The following SMO variants were observed in gnomAD, a reference collection of about 807,000 sequenced individuals.
SMO encodes the protein smoothened, frizzled class receptor.
Under a neutral mutation model 81.6 loss-of-function variants are expected in SMO, and 40 were observed. That is an observed-to-expected ratio of 0.49 (90% CI 0.38 to 0.64). SMO has a LOEUF of 0.64. Among genes scored for constraint, SMO ranks in the 30% least tolerant of loss-of-function variants. The pLI is 0.00. For missense variants in SMO, 916 were observed against 1,061.1 expected (o/e 0.86, Z 1.90); for synonymous variants, 434 against 432.1 (o/e 1.00, Z -0.05).
chr7:129,189,158 G>A lies in SMO; in HGVS notation c.7G>A (p.Ala3Thr), dbSNP rs562868539. 2.5e-6 allele frequency: 3 copies of A among 1,186,856 alleles called. No individual in the cohort carries two copies. Among genetic ancestry groups the A allele is most frequent in the African/African-American group, 3.2e-5 (2 of 63,018 alleles). The allele number at this position is 1,186,856 out of a possible 1,614,324, so 73.5% of individuals were successfully genotyped here. A position where few individuals can be genotyped will look rare whatever the true frequency, so the allele number is the denominator to read the frequency against. The change falls in exon 1 of 12, where the codon GCT (alanine) becomes ACT (threonine). Residue 3 changes from alanine to threonine, a missense_variant. By Grantham distance (58) the Ala-to-Thr change is moderately conservative (BLOSUM62 0). This residue lies in a region of SMO where 146 missense variants were observed against 149.9 expected (regional missense o/e 0.97). Coordinates refer to ENST00000249373, the MANE Select transcript of SMO (RefSeq NM_005631.5). The surrounding 1 kb of genome is among the most constrained non-coding windows in gnomAD (Gnocchi z 4.7). ...TGAGTTGGCGGGGTTGGCCATGGCC[G>A]CTGCCCGCCCAGCGCGGGGGCCGGA... is the stretch of plus-strand genomic sequence containing the variant. MAAARPARGPELP... is the reference protein window; with the variant it reads MATARPARGPELP...
chr7:129,205,493 T>C, intron 3 of SMO, 81 bp downstream of exon 3: 2 of 1,534,554 alleles, frequency 1.3e-6, no homozygotes, highest in African/African-American at 1.4e-5. Flanking sequence ...GGCAAAGAGG[T>C]CTTGGTGGGG....
rs141792785 is a variant in SMO, at chr7:129,206,291, G to A, written c.1062G>A (p.Ser354=). ...KALGTTYQPL[S]GKTSYFHLLT... is the part of the protein sequence containing the mutation. ...TGGGCACCACCTACCAGCCTCTCTCGGGCAAGACCTCCTACTTCCACCTGC... is the reference window on the plus strand; with the variant it reads ...TGGGCACCACCTACCAGCCTCTCTCAGGCAAGACCTCCTACTTCCACCTGC... The change falls in exon 5 of 12, where the codon TCG becomes TCA. Residue 354 remains serine (S), a synonymous_variant. Coordinates refer to ENST00000249373, the MANE Select transcript of SMO (RefSeq NM_005631.5). This position sits in a 1 kb window ranked among gnomAD's most constrained non-coding sequence, Gnocchi z 4.4. The A allele has an allele frequency of 1.9e-5, 31 of 1,614,034 alleles. No individual in the cohort carries two copies. Among genetic ancestry groups the A allele is most frequent in the East Asian group, 1.3e-4 (6 of 44,892 alleles).
chr7:129,193,810 A>ATG (rs1793524089), intron 1 of SMO, among the ~76,000 whole-genome samples: 1 of 115,168 alleles, frequency 8.7e-6, no homozygotes, highest in East Asian at 2.6e-4. Flanking sequence ...ATATATATAT[A>ATG]TATATATGTA....
chr7:129,204,258 G>A (rs1298163104), intron 2 of SMO, among the ~76,000 whole-genome samples: 1 of 152,044 alleles, frequency 6.6e-6, no homozygotes, highest in Non-Finnish European at 1.5e-5. Flanking sequence ...GCTTGAACCC[G>A]GGAGGTGGAA....
At chr7:129,207,141 G>A (rs1563150288) in intron 6 of SMO, among the ~76,000 whole-genome samples, 1 of 152,164 alleles carries the variant, frequency 6.6e-6, no homozygotes, top group Non-Finnish European at 1.5e-5. Flanking sequence ...ACAGTGCCCA[G>A]CCTCACAGCT....
At chr7:129,203,224 G>T (rs1025649654) in intron 1 of SMO, among the ~76,000 whole-genome samples, 160 bp from the exon 2 acceptor site, 15 of 152,334 alleles carry the variant, frequency 9.8e-5, no homozygotes, top group Non-Finnish European at 1.8e-4. Context: ...ATGGTATAAA[G>T]AACTGTCCTG....
rs1189972076 is a variant in SMO at position 129,203,391 on chromosome 7, G to A, written c.339G>A (p.Arg113=). 3 of 1,551,532 alleles carry A rather than the reference G, an allele frequency of 1.9e-6. No individual in the cohort carries two copies. Among genetic ancestry groups the A allele is most frequent in the Non-Finnish European group, 2.6e-6 (3 of 1,147,168 alleles). The change falls in exon 2 of 12, where the codon CGG becomes CGA. Residue 113 remains arginine (R), a synonymous_variant. Coordinates refer to ENST00000249373, the MANE Select transcript of SMO (RefSeq NM_005631.5). ...TGCTGTTGCCACCCCCAGGCCTCCG[G>A]AATGCCCCCCGCTGCTGGGCAGTGA... ...HGKLVLWSGL[R]NAPRCWAVIQ... is the part of the protein sequence containing the mutation.
intron 3 of SMO, 57 bp from the exon 4 acceptor site, chr7:129,205,553 T>A (rs1444433968): frequency 7.7e-6 from 12 of 1,552,860 alleles, no homozygotes; most frequent in Non-Finnish European, 1.1e-5. Flanking sequence ...CAGTTAAGGG[T>A]GTCTGTGTCA....
At chr7:129,205,000 T>G (rs144804120) in intron 2 of SMO, among the ~76,000 whole-genome samples, 1,168 of 114,078 alleles carry the variant, frequency 0.01, 14 homozygotes, top group African/African-American at 0.035. Context: ...CGAGACTGTC[T>G]AAAAAAAGAA....
At chr7:129,199,229 T>C (rs1373306233) in intron 1 of SMO, among the ~76,000 whole-genome samples, 1 of 144,192 alleles carries the variant, frequency 6.9e-6, no homozygotes, top group East Asian at 2.0e-4. Flanking sequence ...TCACCCAGAC[T>C]GGAGTGCAAT....
chr7:129,210,583 G>C lies in SMO; in HGVS notation c.1652+35G>C, dbSNP rs951113636. The C allele has an allele frequency of 6.5e-7, 1 of 1,540,162 alleles. No homozygotes were observed. Among genetic ancestry groups the C allele is most frequent in the Admixed American group, 1.7e-5 (1 of 59,822 alleles). ...GCAGCCAGCCCCTCCTGCCCTGCCCGCCTCACCCTCAGCCTTGGGACCCCA... is the reference window on the plus strand; with the variant it reads ...GCAGCCAGCCCCTCCTGCCCTGCCCCCCTCACCCTCAGCCTTGGGACCCCA... On this transcript the variant is annotated intron_variant, in intron 9 of 11. Coordinates refer to ENST00000249373, the MANE Select transcript of SMO (RefSeq NM_005631.5). The surrounding 1 kb of genome is among the most constrained non-coding windows in gnomAD (Gnocchi z 4.7).
In SMO at chr7:129,211,506, A is replaced by AAC; in HGVS notation, c.1802-130_1802-129insAC. ...TGAAGGGGTAGAGATCACCGTGGTT[A>AAC]CAGGGTGAGCTTTCTCTGGTGAGCA... is the stretch of plus-strand genomic sequence containing the variant. On this transcript the variant is annotated intron_variant, in intron 10 of 11. Transcript: ENST00000249373. The surrounding 1 kb of genome is among the most constrained non-coding windows in gnomAD (Gnocchi z 4.6). 9.9e-7 allele frequency: 1 copy of AAC among 1,013,218 alleles called. No homozygotes were observed. The highest frequency in any genetic ancestry group is 1.5e-6 in the Non-Finnish European group (1 of 652,258). 62.8% of individuals were successfully genotyped at this position (1,013,218 alleles called of 1,614,324 possible). A position where few individuals can be genotyped will look rare whatever the true frequency, so the allele number is the denominator to read the frequency against.
rs111482521 is a variant in SMO, at chr7:129,205,382, C to G, written c.717C>G (p.Ala239=). ...ACAGCTACATCGCGGCCTTCGGGGCCGTCACGGGCCTCTGCACGCTCTTCA... is the reference window on the plus strand; with the variant it reads ...ACAGCTACATCGCGGCCTTCGGGGCGGTCACGGGCCTCTGCACGCTCTTCA... ...DMHSYIAAFG[A]VTGLCTLFTL... Residue 239 remains alanine, a synonymous_variant, in exon 3 of 12, where the codon GCC becomes GCG. Transcript: ENST00000249373. 14 of 1,611,682 alleles carry G rather than the reference C, an allele frequency of 8.7e-6. No homozygotes were observed. Among genetic ancestry groups the G allele is most frequent in the Non-Finnish European group, 1.2e-5 (14 of 1,179,020 alleles).
Position 129,205,680 on chromosome 7 carries a change from G to T in SMO, c.818G>T (p.Cys273Phe), listed in dbSNP as rs1373021910. 1.2e-6 allele frequency: 2 copies of T among 1,613,684 alleles called. No individual in the cohort carries two copies. The highest frequency in any genetic ancestry group is 1.7e-6 in the Non-Finnish European group (2 of 1,179,962). Residue 273 changes from cysteine to phenylalanine, a missense_variant, in exon 4 of 12, where the codon TGC becomes TTC. Transcript: ENST00000249373. ...PAVILFYVNA[C>F]FFVGSIGWLA... ...GTTATTCTCTTCTACGTCAATGCGT[G>T]CTTCTTTGTGGGCAGCATTGGCTGG...
rs1303993807 is a variant in SMO, at chr7:129,205,194, T to G, written c.538-9T>G. 3 of 1,613,562 alleles carry G rather than the reference T, an allele frequency of 1.9e-6. No homozygotes were observed. Among genetic ancestry groups the G allele is most frequent in the Non-Finnish European group, 2.5e-6 (3 of 1,179,524 alleles). On this transcript the variant is annotated splice_polypyrimidine_tract_variant and intron_variant, in intron 2 of 11. Transcript: ENST00000249373. ...CCTTGACACCGTCTTTTCCCATCCC[T>G]GGTGCCAGAATGAGGTGCAGAACAT...
intron 1 of SMO, among the ~76,000 whole-genome samples, chr7:129,194,586 T>A (rs2150641670): frequency 6.6e-6 from 1 of 152,260 alleles, no homozygotes; most frequent in East Asian, 1.9e-4. Context: ...TCACATCCTT[T>A]TTTTCTCTAT....
At chr7:129,193,533 C>T (rs528152536) in intron 1 of SMO, among the ~76,000 whole-genome samples, 55 of 150,536 alleles carry the variant, frequency 3.7e-4, no homozygotes, top group Admixed American at 8.0e-4. Context: ...CCGAGGTGGG[C>T]GGATCACGAG....
chr7:129,194,659 TC>T (rs1210359344), intron 1 of SMO, among the ~76,000 whole-genome samples: 1 of 152,246 alleles, frequency 6.6e-6, no homozygotes, highest in Non-Finnish European at 1.5e-5. Flanking sequence ...GTTTTTGAAC[TC>T]TGTTCAAATG....
Position 129,193,166 on chromosome 7 carries a change from AAAG to A in SMO, c.331+3685_331+3687del, listed in dbSNP as rs1338644156. Among the ~76,000 whole-genome samples the A allele has an allele frequency of 2.6e-5, 4 of 152,152 alleles. No individual in the cohort carries two copies. The East Asian group carries it at 5.8e-4, about 22-fold the overall frequency. Reference sequence around the variant, plus strand: ...AACCTGGTTTAGTAAGTGGGGCAAAAAAGCAGAGAGGCCTGCAGCTGGCAGTGG... The same window carrying A: ...AACCTGGTTTAGTAAGTGGGGCAAAACAGAGAGGCCTGCAGCTGGCAGTGG... On this transcript the variant is annotated intron_variant, in intron 1 of 11. Coordinates refer to ENST00000249373, the MANE Select transcript of SMO (RefSeq NM_005631.5).
Sources: allele counts gnomAD v4.1 joint callset (sites outside exome capture counted in the v4.1 genomes callset), GRCh38; gene constraint gnomAD v4.1.1; regional missense constraint gnomAD v4.1.1; non-coding constraint Gnocchi (gnomAD v3.1); transcripts MANE v1.5; gene names NCBI Gene and HGNC (gene_info 2026-07-23, HGNC 2026-07-21).